SNX29: variants seen among roughly 807,000 people sequenced by gnomAD.
SNX29 encodes sorting nexin-29.
Under a neutral mutation model 102.1 loss-of-function variants are expected in SNX29, and 78 were observed. The ratio of observed to expected loss-of-function variants is 0.76; its 90% CI spans 0.64 to 0.92. The LOEUF (loss-of-function observed/expected upper bound fraction) is 0.92. Ranked by LOEUF, SNX29 falls within the 40% of genes least tolerant of loss-of-function variation. SNX29 has a pLI of 0.00. For synonymous variants in SNX29, 580 were observed against 414.5 expected, an observed-to-expected ratio of 1.40 and a Z score of -4.85; for missense variants, 1,280 against 1,061.7, an observed-to-expected ratio of 1.21 and a Z score of -2.86.
intron 18 of SNX29, among the ~76,000 whole-genome samples, chr16:12,449,395 T>C (rs1309836311): frequency 6.6e-6 from 1 of 151,906 alleles, no homozygotes; most frequent in Non-Finnish European, 1.5e-5. Context: ...TCATGGCATA[T>C]GTGTGAGCTT....
intron 15 of SNX29, among the ~76,000 whole-genome samples, chr16:12,333,634 G>A (rs756849592): frequency 6.6e-6 from 1 of 152,060 alleles, no homozygotes; most frequent in Non-Finnish European, 1.5e-5. Flanking sequence ...GATGAAGAGG[G>A]TGTGATTTCC....
At chr16:12,119,398 T>C (rs956723923) in intron 11 of SNX29, among the ~76,000 whole-genome samples, 1 of 152,188 alleles carries the variant, frequency 6.6e-6, no homozygotes, top group Admixed American at 6.5e-5. Flanking sequence ...AAATTACAAA[T>C]CTGGAAAAGT....
chr16:12,160,435 G>A (rs1274505954), intron 13 of SNX29, among the ~76,000 whole-genome samples: 1 of 152,196 alleles, frequency 6.6e-6, no homozygotes, highest in African/African-American at 2.4e-5. Context: ...CAGAAAAATA[G>A]TCTTGTGCTA....
chr16:12,264,212 C>T (rs1421099150), intron 14 of SNX29, among the ~76,000 whole-genome samples: 1 of 152,230 alleles, frequency 6.6e-6, no homozygotes, highest in African/African-American at 2.4e-5. Flanking sequence ...TGTCCTCACT[C>T]TGTTGACGTG....
intron 18 of SNX29, among the ~76,000 whole-genome samples, chr16:12,462,132 C>G (rs1225276831): frequency 6.6e-6 from 1 of 150,878 alleles, no homozygotes; most frequent in Non-Finnish European, 1.5e-5. Context: ...TGGCTTCGCT[C>G]TGGGTGCTGG....
At chr16:12,440,050 A>G (rs2085730699) in intron 18 of SNX29, among the ~76,000 whole-genome samples, 1 of 152,182 alleles carries the variant, frequency 6.6e-6, no homozygotes, top group African/African-American at 2.4e-5. Context: ...AGTCTCATGT[A>G]TAAAATGGGA....
intron 18 of SNX29, among the ~76,000 whole-genome samples, chr16:12,447,299 T>A (rs1040613860): frequency 1.1e-4 from 17 of 152,134 alleles, no homozygotes; most frequent in African/African-American, 3.9e-4. Flanking sequence ...GCATGAGCTT[T>A]GGGCACCTTT....
intron 15 of SNX29, among the ~76,000 whole-genome samples, chr16:12,335,342 C>T (rs960610002): frequency 6.6e-6 from 1 of 151,714 alleles, no homozygotes; most frequent in Admixed American, 6.6e-5. Context: ...TTTCATCAAG[C>T]AAAAAAAGCT....
chr16:12,552,530 C>G (rs1443156584), intron 20 of SNX29, among the ~76,000 whole-genome samples: 1 of 152,208 alleles, frequency 6.6e-6, no homozygotes, highest in Admixed American at 6.5e-5. Flanking sequence ...GCCTTCATTT[C>G]TCAGTGATGT....
intron 19 of SNX29, among the ~76,000 whole-genome samples, chr16:12,494,599 C>T (rs1447792176): frequency 6.6e-6 from 1 of 152,214 alleles, no homozygotes; most frequent in Non-Finnish European, 1.5e-5. Flanking sequence ...TGCTGAGGAG[C>T]CCATCTTCTC....
intron 16 of SNX29, among the ~76,000 whole-genome samples, chr16:12,380,470 T>TCCACCCACCCACCCA (rs1163424130): frequency 1.1e-5 from 1 of 87,760 alleles, no homozygotes; most frequent in Non-Finnish European, 2.4e-5. Context: ...CCACCCACCA[T>TCCACCCACCCACCCA]CCATCCACCC....
At chr16:12,013,238 G>T (rs1384607227) in intron 3 of SNX29, among the ~76,000 whole-genome samples, 2 of 151,478 alleles carry the variant, frequency 1.3e-5, no homozygotes, top group Non-Finnish European at 2.9e-5. Context: ...CATATATTAG[G>T]AAAATAAAGA....
At chr16:12,521,945 C>T (rs4781243) in intron 19 of SNX29, among the ~76,000 whole-genome samples, 85,117 of 151,988 alleles carry the variant, frequency 0.56, 25,600 homozygotes, top group East Asian at 0.98. Context: ...ATTGGAGTGG[C>T]TCTCAGCAGT....
chr16:12,196,111 G>C (rs2076766733), intron 13 of SNX29, among the ~76,000 whole-genome samples: 1 of 151,552 alleles, frequency 6.6e-6, no homozygotes, highest in Non-Finnish European at 1.5e-5. Flanking sequence ...AAGTAGATGG[G>C]ACAACAGGTG....
Position 12,571,618 on chromosome 16 carries a change from A to G in SNX29, c.*2989A>G. 1.9e-6 allele frequency: 2 copies of G among 1,059,102 alleles called. No individual in the cohort carries two copies. Among genetic ancestry groups the G allele is most frequent in the East Asian group, 5.2e-5 (1 of 19,334 alleles). 65.6% of individuals were successfully genotyped at this position (1,059,102 alleles called of 1,614,324 possible). On this transcript the variant is annotated 3_prime_UTR_variant, in exon 21 of 21. Coordinates refer to ENST00000566228, the MANE Select transcript of SNX29 (RefSeq NM_032167.5). ...AACAGAACAGCAGGTTCCATCTTTC[A>G]CATCTTTTTTTCTCCCCCAGATGAA...
At chr16:12,137,570 C>G (rs2054708591) in intron 13 of SNX29, among the ~76,000 whole-genome samples, 1 of 152,232 alleles carries the variant, frequency 6.6e-6, no homozygotes, top group Non-Finnish European at 1.5e-5. Context: ...TCAGATCATG[C>G]TGTCCTGCAC....
At position 12,356,139 on chromosome 16, in the gene SNX29, C is replaced by T. The variant is rs369485969; in HGVS notation, c.1783-24C>T. 4.4e-6 allele frequency: 7 copies of T among 1,603,166 alleles called. No individual in the cohort carries two copies. The African/African-American group carries it at 8.0e-5, about 18-fold the overall frequency. ...CTGGGGAATGTCTGCCTCTAAGCCT[C>T]ACCTTTCCGTGCTTGTGTTCCAGGT... On this transcript the variant is annotated intron_variant, in intron 15 of 20. Coordinates refer to ENST00000566228, the MANE Select transcript of SNX29 (RefSeq NM_032167.5).
intron 11 of SNX29, among the ~76,000 whole-genome samples, chr16:12,081,049 A>C (rs921085558): frequency 1.3e-5 from 2 of 152,224 alleles, no homozygotes; most frequent in African/African-American, 4.8e-5. Flanking sequence ...AGGAAGCTTT[A>C]TCTCACTACT....
intron 4 of SNX29, among the ~76,000 whole-genome samples, chr16:12,028,973 C>A (rs180740232): frequency 6.6e-6 from 1 of 152,264 alleles, no homozygotes; most frequent in African/African-American, 2.4e-5. Flanking sequence ...GTCTCGAACT[C>A]CTGACCTTGT....
Sources: gnomAD v4.1 joint callset for allele counts (sites outside exome capture counted in the v4.1 genomes callset) on GRCh38, gnomAD v4.1.1 for gene constraint, MANE v1.5 for transcripts, NCBI Gene and HGNC (gene_info 2026-07-23, HGNC 2026-07-21) for gene names.